The following DAB1 variants were observed in gnomAD, a reference collection of about 807,000 sequenced individuals.
DAB1 encodes DAB adaptor protein 1.
DAB1 carries 15 observed loss-of-function variants against 64.6 expected under a neutral mutation model. That is an observed-to-expected ratio of 0.23 (90% CI 0.16 to 0.36). DAB1 has a LOEUF of 0.36. Among genes scored for constraint, DAB1 ranks in the 10% least tolerant of loss-of-function variants. The pLI is 1.00. For missense variants in DAB1, 596 were observed against 706.7 expected, an observed-to-expected ratio of 0.84 and a Z score of 1.78; for synonymous variants, 235 against 251.9, an observed-to-expected ratio of 0.93 and a Z score of 0.64.
chr1:57,517,666 A>G (rs1232627659), intron 7 of DAB1, among the ~76,000 whole-genome samples: 2 of 152,228 alleles, frequency 1.3e-5, no homozygotes, highest in East Asian at 3.8e-4. Context: ...TGACATGCAA[A>G]TAAGCCACTA....
At chr1:58,214,416 AG>A (rs1557698485) in intron 4 of DAB1, among the ~76,000 whole-genome samples, 1 of 152,210 alleles carries the variant, frequency 6.6e-6, no homozygotes, top group Non-Finnish European at 1.5e-5. Context: ...TGGAGCTAAA[AG>A]CTGACAAAGG....
chr1:58,154,452 C>CATTCA (rs552581059), intron 4 of DAB1, among the ~76,000 whole-genome samples: 1 of 151,064 alleles, frequency 6.6e-6, no homozygotes, highest in African/African-American at 2.4e-5. Context: ...TCATGCAGTT[C>CATTCA]TTCATTCATT....
intron 4 of DAB1, among the ~76,000 whole-genome samples, chr1:58,151,078 A>T (rs1654906007): frequency 6.6e-6 from 1 of 152,180 alleles, no homozygotes; most frequent in African/African-American, 2.4e-5. Flanking sequence ...ACATTTTCTT[A>T]ATCCGGTCTA....
At chr1:58,328,892 C>G (rs905547112) in intron 4 of DAB1, among the ~76,000 whole-genome samples, 7 of 152,160 alleles carry the variant, frequency 4.6e-5, no homozygotes, top group African/African-American at 1.7e-4. Context: ...ACCAGGCCAA[C>G]TCTTGCTTAT....
At chr1:57,132,076 C>G (rs1657694560) in intron 4 of DAB1, among the ~76,000 whole-genome samples, 2 of 152,046 alleles carry the variant, frequency 1.3e-5, no homozygotes, top group African/African-American at 4.8e-5. Flanking sequence ...TTATCTGGTC[C>G]TCTCCAACTC....
intron 7 of DAB1, among the ~76,000 whole-genome samples, chr1:57,601,934 C>T (rs1388421092): frequency 6.6e-6 from 1 of 152,100 alleles, no homozygotes; most frequent in African/African-American, 2.4e-5. Flanking sequence ...CCAGTTTAGA[C>T]AGGAAGACAG....
chr1:57,813,541 G>A (rs1211322480), intron 6 of DAB1, among the ~76,000 whole-genome samples: 3 of 152,226 alleles, frequency 2.0e-5, no homozygotes, highest in Non-Finnish European at 4.4e-5. Context: ...AATGCGGTAA[G>A]TGCTTTCATT....
At chr1:57,449,213 C>T (rs75588292) in intron 7 of DAB1, among the ~76,000 whole-genome samples, 3,996 of 152,132 alleles carry the variant, frequency 0.026, 68 homozygotes, top group African/African-American at 0.043. Flanking sequence ...GAACATGAAA[C>T]GTAAGTCAAG....
At chr1:57,370,416 C>A (rs919295609) in intron 1 of DAB1, among the ~76,000 whole-genome samples, 1 of 152,182 alleles carries the variant, frequency 6.6e-6, no homozygotes, top group Admixed American at 6.5e-5. Flanking sequence ...ATTCTCCAGA[C>A]CACTGTTTAC....
At chr1:57,465,336 C>G (rs1335757120) in intron 7 of DAB1, among the ~76,000 whole-genome samples, 2 of 152,194 alleles carry the variant, frequency 1.3e-5, no homozygotes, top group African/African-American at 4.8e-5. Flanking sequence ...GTTTGGTCAT[C>G]TGTGCTAGAT....
intron 3 of DAB1, among the ~76,000 whole-genome samples, chr1:58,365,442 A>G (rs1644207770): frequency 6.6e-6 from 1 of 152,202 alleles, no homozygotes; most frequent in Non-Finnish European, 1.5e-5. Context: ...CTTTAACAAA[A>G]TTACACTCCT....
chr1:58,249,424 T>C (rs1182823097), intron 4 of DAB1, among the ~76,000 whole-genome samples: 1 of 151,490 alleles, frequency 6.6e-6, no homozygotes, highest in Non-Finnish European at 1.5e-5. Context: ...TGGTCACTAA[T>C]CTAATTGATC....
chr1:57,729,430 A>T (rs1212776416), intron 6 of DAB1, among the ~76,000 whole-genome samples: 1 of 152,176 alleles, frequency 6.6e-6, no homozygotes, highest in Admixed American at 6.5e-5. Flanking sequence ...ACTGAAAGGG[A>T]GGAAGGATAA....
At chr1:57,362,279 G>A (rs1450784928) in intron 1 of DAB1, among the ~76,000 whole-genome samples, 1 of 152,110 alleles carries the variant, frequency 6.6e-6, no homozygotes, top group Non-Finnish European at 1.5e-5. Context: ...GCCATGTGGA[G>A]TCCTTAAAAG....
At chr1:57,653,770 G>A (rs1274058215) in intron 6 of DAB1, among the ~76,000 whole-genome samples, 1 of 152,054 alleles carries the variant, frequency 6.6e-6, no homozygotes, top group African/African-American at 2.4e-5. Context: ...CCACCACCAC[G>A]ATCGGCTAAT....
At chr1:57,574,629 C>G (rs1645229483) in intron 7 of DAB1, among the ~76,000 whole-genome samples, 1 of 152,138 alleles carries the variant, frequency 6.6e-6, no homozygotes, top group African/African-American at 2.4e-5. Context: ...AGGCTTGTGT[C>G]CTAGGTAATC....
rs141241752 is a variant in DAB1 at position 57,560,417 on chromosome 1, T to C, written n.625+89175A>G. On this transcript the variant is annotated intron_variant and non_coding_transcript_variant, in intron 7 of 20. Transcript: ENST00000485760. ...TAAATCCAAGTAAAATTCAGGGACC[T>C]TCTACCTCAGTAAAATTTCTACAAG... 8.0e-3 allele frequency among the ~76,000 whole-genome samples: 1,219 copies of C among 152,300 alleles called. 18 individuals are homozygous for C. Among genetic ancestry groups the C allele is most frequent in the African/African-American group, 0.027 (1,137 of 41,554 alleles).
intron 7 of DAB1, among the ~76,000 whole-genome samples, chr1:57,637,821 T>C (rs1366315560): frequency 6.6e-6 from 1 of 152,182 alleles, no homozygotes; most frequent in Non-Finnish European, 1.5e-5. Flanking sequence ...GTTATGAAGG[T>C]GTCCTCATAT....
intron 5 of DAB1, among the ~76,000 whole-genome samples, chr1:58,113,634 T>C (rs1652123463): frequency 6.6e-6 from 1 of 151,702 alleles, no homozygotes; most frequent in African/African-American, 2.4e-5. Context: ...ATGACCCTAT[T>C]GTGGTAATTA....
Sources: allele counts gnomAD v4.1 joint callset (sites outside exome capture counted in the v4.1 genomes callset), GRCh38; gene constraint gnomAD v4.1.1; transcripts MANE v1.5; gene names NCBI Gene and HGNC (gene_info 2026-07-23, HGNC 2026-07-21).